The following ANO2 variants were observed in gnomAD, a reference collection of about 807,000 sequenced individuals.
ANO2 encodes anoctamin 2, also known as anoctamin-2.
In ANO2, 101 loss-of-function variants were observed where a neutral mutation model predicts 124.2. The ratio of observed to expected loss-of-function variants is 0.81; its 90% confidence interval spans 0.69 to 0.96. The LOEUF (loss-of-function observed/expected upper bound fraction) is 0.96. Ranked by LOEUF, ANO2 falls within the 40% of genes least tolerant of loss-of-function variation. The pLI is 0.00. For synonymous variants in ANO2, 486 were observed against 482.5 expected (o/e 1.01, Z -0.09); for missense variants, 1,293 against 1,274.5 (o/e 1.01, Z -0.22).
intron 3 of ANO2, among the ~76,000 whole-genome samples, chr12:5,913,596 G>C (rs187173848): frequency 6.6e-6 from 1 of 152,336 alleles, no homozygotes; most frequent in East Asian, 1.9e-4. Context: ...TTCTCCTCGG[G>C]ATGACAAGGA....
intron 4 of ANO2, among the ~76,000 whole-genome samples, chr12:5,838,891 A>T (rs1043062223): frequency 2.6e-5 from 4 of 152,146 alleles, no homozygotes; most frequent in African/African-American, 9.7e-5. Context: ...TGCTGACACC[A>T]ATGAGATGTG....
intron 3 of ANO2, among the ~76,000 whole-genome samples, chr12:5,880,836 A>ATGGG (rs1205527756): frequency 7.6e-5 from 1 of 13,106 alleles, no homozygotes; most frequent in Admixed American, 1.1e-3. Context: ...GGATGGATAG[A>ATGGG]TGGGTGGGTG....
chr12:5,830,689 A>C (rs760327495), intron 5 of ANO2, among the ~76,000 whole-genome samples, 200 bp from the exon 6 acceptor site: 1 of 152,230 alleles, frequency 6.6e-6, no homozygotes, highest in East Asian at 1.9e-4. Flanking sequence ...GAAGAAACTC[A>C]ACACAAGGAA....
At position 5,922,170 on chromosome 12, in the gene ANO2, G is replaced by A. The variant is rs563129922; in HGVS notation, c.207+450C>T. ...GAAAGAAGAGGAGGAGAGAGAACACGATGAAGCAGGGGAGGGACCGGCCTC... is the reference window on the plus strand; with the variant it reads ...GAAAGAAGAGGAGGAGAGAGAACACAATGAAGCAGGGGAGGGACCGGCCTC... On this transcript the variant is annotated intron_variant, in intron 2 of 24. Transcript: ENST00000682330. Among the ~76,000 whole-genome samples, 355 of 152,306 alleles carry A rather than the reference G, an allele frequency of 2.3e-3. 5 individuals carry two copies. The highest frequency in any genetic ancestry group is 7.0e-3 in the African/African-American group (292 of 41,570).
At chr12:5,774,820 C>T (rs1157271887) in intron 10 of ANO2, among the ~76,000 whole-genome samples, 1 of 152,190 alleles carries the variant, frequency 6.6e-6, no homozygotes, top group Non-Finnish European at 1.5e-5. Context: ...ATTCATACTT[C>T]TTTCAAATTC....
chr12:5,893,848 C>A lies in ANO2; in HGVS notation c.534+27192G>T, dbSNP rs571539374. Among the ~76,000 whole-genome samples the A allele has an allele frequency of 8.5e-5, 13 of 152,276 alleles. No homozygotes were observed. The East Asian group carries it at 1.5e-3, about 18-fold the overall frequency. On this transcript the variant is annotated intron_variant, in intron 3 of 24. Transcript: ENST00000682330. Reference sequence around the variant, plus strand: ...TCCTTTTTTATGGCTGCATAGTATTCCACGGTGTATATGTGCCACATTTTC... The same window carrying A: ...TCCTTTTTTATGGCTGCATAGTATTACACGGTGTATATGTGCCACATTTTC...
intron 3 of ANO2, among the ~76,000 whole-genome samples, chr12:5,878,026 A>C (rs1271066993): frequency 6.6e-6 from 1 of 152,238 alleles, no homozygotes; most frequent in Non-Finnish European, 1.5e-5. Context: ...ATTAATACCT[A>C]TGCAGCACTA....
chr12:5,665,451 A>G (rs1433760924), intron 14 of ANO2, among the ~76,000 whole-genome samples: 4 of 152,140 alleles, frequency 2.6e-5, no homozygotes, highest in African/African-American at 9.7e-5. Context: ...ATCCATCTGT[A>G]CTTATTTCTC....
At chr12:5,817,004 A>G (rs1953631749) in intron 7 of ANO2, among the ~76,000 whole-genome samples, 2 of 152,222 alleles carry the variant, frequency 1.3e-5, no homozygotes, top group Admixed American at 1.3e-4. Flanking sequence ...AATTATAAAT[A>G]CAACTCAAAA....
chr12:5,863,437 T>C (rs1955334162), intron 3 of ANO2, among the ~76,000 whole-genome samples: 1 of 152,236 alleles, frequency 6.6e-6, no homozygotes, highest in African/African-American at 2.4e-5. Flanking sequence ...GGACCAGGCC[T>C]TGGGCCCCAG....
At chr12:5,569,594 G>A (rs180961277) in intron 23 of ANO2, among the ~76,000 whole-genome samples, 4 of 152,248 alleles carry the variant, frequency 2.6e-5, no homozygotes, top group Admixed American at 1.3e-4. Context: ...GTAAGAGACC[G>A]AGGAAGTCAT....
At chr12:5,603,959 A>G (rs1392424409) in intron 19 of ANO2, among the ~76,000 whole-genome samples, 2 of 150,748 alleles carry the variant, frequency 1.3e-5, no homozygotes, top group East Asian at 1.9e-4. Context: ...AAAAAAAAAA[A>G]AAAAAAGAAA....
intron 2 of ANO2, among the ~76,000 whole-genome samples, chr12:5,921,690 A>G (rs549008242): frequency 6.6e-6 from 1 of 152,208 alleles, no homozygotes; most frequent in South Asian, 2.1e-4. Context: ...CTCCACACAC[A>G]GAACCACACG....
chr12:5,889,291 C>T (rs753875459), intron 3 of ANO2, among the ~76,000 whole-genome samples: 17 of 152,230 alleles, frequency 1.1e-4, no homozygotes, highest in South Asian at 6.2e-4. Flanking sequence ...CAGGTAGGGG[C>T]TCCCACAGTG....
intron 14 of ANO2, among the ~76,000 whole-genome samples, chr12:5,659,524 A>T (rs1354291662): frequency 2.6e-5 from 4 of 152,254 alleles, no homozygotes; most frequent in African/African-American, 9.6e-5. Context: ...GAATCTTGGC[A>T]AAAGGGCATA....
At chr12:5,936,959 A>G (rs1292129584) in intron 1 of ANO2, among the ~76,000 whole-genome samples, 6 of 152,242 alleles carry the variant, frequency 3.9e-5, no homozygotes, top group Non-Finnish European at 5.9e-5. Flanking sequence ...TCTATACCAT[A>G]AAGTGACAGG....
At chr12:5,739,241 C>A (rs1484754828) in intron 13 of ANO2, 76 bp downstream of exon 13, 1 of 1,313,774 alleles carries the variant, frequency 7.6e-7, no homozygotes. Context: ...TTATCTCACT[C>A]AAGAGAGTCC....
chr12:5,610,592 T>G (rs922534198), intron 19 of ANO2, among the ~76,000 whole-genome samples: 5 of 143,106 alleles, frequency 3.5e-5, no homozygotes, highest in Non-Finnish European at 7.6e-5. Context: ...TTTATATTTA[T>G]AAATATATTT....
chr12:5,784,692 G>T (rs995149088), intron 10 of ANO2, among the ~76,000 whole-genome samples: 2 of 152,124 alleles, frequency 1.3e-5, no homozygotes, highest in Non-Finnish European at 2.9e-5. Context: ...TCCTCCCTGA[G>T]CAGGACAAAT....
Sources: allele counts gnomAD v4.1 joint callset (sites outside exome capture counted in the v4.1 genomes callset), GRCh38; gene constraint gnomAD v4.1.1; transcripts MANE v1.5; gene names NCBI Gene and HGNC (gene_info 2026-07-23, HGNC 2026-07-21).